Variants in XRRA1 observed in about 807,000 individuals in gnomAD.
XRRA1 encodes the protein X-ray radiation resistance-associated protein 1.
Under a neutral mutation model 80.2 loss-of-function variants are expected in XRRA1, and 69 were observed. That is an observed-to-expected ratio of 0.86 (90% confidence interval 0.71 to 1.05). The LOEUF is 1.05. Ranked by LOEUF, XRRA1 falls within the 50% of genes least tolerant of loss-of-function variation. The probability of loss-of-function intolerance (pLI) is 0.00; values close to 1 mark genes in which losing one functional copy is unlikely to be tolerated. For synonymous variants in XRRA1, 348 were observed against 389.9 expected, an observed-to-expected ratio of 0.89 and a Z score of 1.27; for missense variants, 967 against 976.4, an observed-to-expected ratio of 0.99 and a Z score of 0.13.
At chr11:74,894,353 C>A (rs1381390562) in intron 10 of XRRA1, among the ~76,000 whole-genome samples, 4 of 152,110 alleles carry the variant, frequency 2.6e-5, no homozygotes, top group Non-Finnish European at 5.9e-5. Flanking sequence ...GTACATCAAA[C>A]CCCCCATGAC....
Position 74,927,505 on chromosome 11 carries a change from AAG to A in XRRA1, c.425-19_425-18del, listed in dbSNP as rs565319916. ...GAAATGCCTCTACATGGGGAAGAGA[AAG>A]AGAGAGTCTGCAGCTTGTAAAGGAC... On this transcript the variant is annotated intron_variant, in intron 6 of 18. Coordinates refer to ENST00000684022, the MANE Select transcript of XRRA1 (RefSeq NM_001378157.1). 1.5e-4 allele frequency: 223 copies of A among 1,523,932 alleles called. No homozygotes were observed. In the Middle Eastern group the frequency reaches 3.0e-3, roughly 21 times the overall value. The allele number at this position is 1,523,932 out of a possible 1,614,324, so 94.4% of individuals were successfully genotyped here.
intron 8 of XRRA1, among the ~76,000 whole-genome samples, chr11:74,916,808 G>C (rs117843177): frequency 2.0e-5 from 3 of 151,828 alleles, no homozygotes; most frequent in Non-Finnish European, 4.4e-5. Flanking sequence ...GGGTTTGCTG[G>C]GTTTTTTTGT....
intron 10 of XRRA1, among the ~76,000 whole-genome samples, chr11:74,874,142 A>G (rs532309825): frequency 1.4e-5 from 2 of 146,928 alleles, no homozygotes; most frequent in Admixed American, 1.4e-4. Context: ...AGGCTGAGAC[A>G]GGAGAATCGC....
At chr11:74,883,224 T>A (rs1481282937) in intron 10 of XRRA1, among the ~76,000 whole-genome samples, 1 of 152,200 alleles carries the variant, frequency 6.6e-6, no homozygotes, top group Non-Finnish European at 1.5e-5. Context: ...TGTGCCGTTT[T>A]TTAAGCCCGT....
Position 74,851,931 on chromosome 11 carries a change from G to T in XRRA1, c.1264+58C>A, listed in dbSNP as rs2039967240. On this transcript the variant is annotated intron_variant, in intron 13 of 18. Coordinates refer to ENST00000684022, the MANE Select transcript of XRRA1 (RefSeq NM_001378157.1). Reference sequence around the variant, plus strand: ...TGGCATTGATGAGGTGGGGATGAGGGTGCCACACTGCTCCTTGGGCACTGG... The same window carrying T: ...TGGCATTGATGAGGTGGGGATGAGGTTGCCACACTGCTCCTTGGGCACTGG... The T allele has an allele frequency of 2.8e-6, 4 of 1,439,018 alleles. 1 individual carries two copies. The South Asian group carries it at 3.4e-5, about 12-fold the overall frequency. The allele number at this position is 1,439,018 out of a possible 1,614,324, so 89.1% of individuals were successfully genotyped here.
intron 14 of XRRA1, 57 bp from the exon 15 acceptor site, chr11:74,848,519 G>A: frequency 6.7e-7 from 1 of 1,484,008 alleles, no homozygotes; most frequent in Non-Finnish European, 9.1e-7. Context: ...CTCTCCTCCT[G>A]GGCCTCACTA....
chr11:74,872,837 A>T (rs930491197), intron 10 of XRRA1, among the ~76,000 whole-genome samples: 30 of 152,192 alleles, frequency 2.0e-4, no homozygotes, highest in African/African-American at 7.0e-4. Context: ...CATTGGAACC[A>T]GCATCCCTCT....
At chr11:74,866,413 C>T (rs1442996502) in intron 10 of XRRA1, among the ~76,000 whole-genome samples, 1 of 151,962 alleles carries the variant, frequency 6.6e-6, no homozygotes, top group African/African-American at 2.4e-5. Context: ...ACCACCATGC[C>T]TGGTTAATGT....
rs1304364274 is a variant in XRRA1 at position 74,930,324 on chromosome 11, C to T, written c.400G>A (p.Ala134Thr). 4 of 1,571,110 alleles carry T rather than the reference C, an allele frequency of 2.5e-6. No homozygotes were observed. The East Asian group carries it at 9.2e-5, about 36-fold the overall frequency. ...KHFHSVIYIN[A>T]SENLLPLEAF... ...CCTAGAGGCAGCAGGTTTTCTGAGG[C>T]ATTGATATAAATCACAGAATGAAAA... The change falls in exon 6 of 19, where the codon GCC (alanine) becomes ACC (threonine). Residue 134 changes from alanine to threonine, a missense_variant. Physicochemically the swap from Ala to Thr is moderately conservative, Grantham distance 58. Coordinates refer to ENST00000684022, the MANE Select transcript of XRRA1 (RefSeq NM_001378157.1).
intron 2 of XRRA1, among the ~76,000 whole-genome samples, chr11:74,943,257 C>T (rs1946702871): frequency 6.6e-6 from 1 of 151,896 alleles, no homozygotes; most frequent in African/African-American, 2.4e-5. Flanking sequence ...ATAGTTCTGA[C>T]TCTAGGGTAT....
chr11:74,889,427 C>T (rs2050026449), intron 10 of XRRA1, among the ~76,000 whole-genome samples: 1 of 152,194 alleles, frequency 6.6e-6, no homozygotes, highest in African/African-American at 2.4e-5. Context: ...AAGGAACAAC[C>T]AGTACCAGCC....
chr11:74,878,537 C>G (rs1051877039), intron 10 of XRRA1, among the ~76,000 whole-genome samples: 5 of 152,010 alleles, frequency 3.3e-5, no homozygotes, highest in African/African-American at 1.2e-4. Flanking sequence ...AAGTCCTTGC[C>G]CCTGCCTGTG....
rs556623962 is a variant in XRRA1 at position 74,868,507 on chromosome 11, A to G, written c.1004-5486T>C. 2.5e-4 allele frequency among the ~76,000 whole-genome samples: 38 copies of G among 152,336 alleles called. No individual in the cohort carries two copies. In the South Asian group the frequency reaches 7.2e-3, roughly 29 times the overall value. ...ATAATGAACAAATCCTCACATATCA[A>G]TATTAACTTTGAATATAAATGAGCT... On this transcript the variant is annotated intron_variant, in intron 10 of 18. Coordinates refer to ENST00000684022, the MANE Select transcript of XRRA1 (RefSeq NM_001378157.1).
chr11:74,883,436 G>A (rs1034041228), intron 10 of XRRA1, among the ~76,000 whole-genome samples: 14 of 151,936 alleles, frequency 9.2e-5, no homozygotes, highest in African/African-American at 2.7e-4. Flanking sequence ...AGATGAACCC[G>A]GTACCTCAGA....
At chr11:74,878,768 A>G (rs2046716594) in intron 10 of XRRA1, among the ~76,000 whole-genome samples, 1 of 150,772 alleles carries the variant, frequency 6.6e-6, no homozygotes, top group South Asian at 2.1e-4. Flanking sequence ...AAGATCAGAT[A>G]GTTGTAGATA....
At chr11:74,923,091 G>A (rs547648944) in intron 7 of XRRA1, among the ~76,000 whole-genome samples, 4 of 152,236 alleles carry the variant, frequency 2.6e-5, no homozygotes, top group Non-Finnish European at 5.9e-5. Context: ...AGGTCTACCA[G>A]GGGATCAGGA....
rs200117660 is a variant in XRRA1, at chr11:74,851,093, A to G, written c.1375T>C (p.Trp459Arg). Residue 459 changes from tryptophan to arginine, a missense_variant, in exon 14 of 19, where the codon TGG becomes CGG. Physicochemically the swap from Trp to Arg is moderately radical, Grantham distance 101. Coordinates refer to ENST00000684022, the MANE Select transcript of XRRA1 (RefSeq NM_001378157.1). ...HHVLMSRKES[W>R]KVKSEIPKVP... is the part of the protein sequence containing the mutation. ...TCCTGCCTTGGAAGCCCTACCTTCC[A>G]TGATTCCTTCCGAGACATCAAAACA... The G allele has an allele frequency of 5.2e-4, 840 of 1,609,478 alleles. No individual in the cohort carries two copies. Among genetic ancestry groups the G allele is most frequent in the Middle Eastern group, 8.4e-4 (5 of 5,966 alleles).
intron 3 of XRRA1, among the ~76,000 whole-genome samples, chr11:74,938,216 A>C (rs1444306055): frequency 3.3e-5 from 5 of 152,332 alleles, no homozygotes; most frequent in African/African-American, 9.6e-5. Flanking sequence ...ACCACTGCTG[A>C]CAATCCTGCT....
intron 15 of XRRA1, chr11:74,846,259 G>C (rs2038128325): frequency 1.3e-5 from 2 of 152,248 alleles, no homozygotes; most frequent in African/African-American, 4.8e-5. Flanking sequence ...ACACGTATGT[G>C]TGTACATATA....
Sources: allele counts gnomAD v4.1 joint callset (sites outside exome capture counted in the v4.1 genomes callset), GRCh38; gene constraint gnomAD v4.1.1; transcripts MANE v1.5; gene names NCBI Gene and HGNC (gene_info 2026-07-23, HGNC 2026-07-21).